Variants in GRIK3 observed in about 807,000 individuals in gnomAD.
GRIK3 encodes the protein glutamate receptor ionotropic, kainate 3.
Under a neutral mutation model 102.5 loss-of-function variants are expected in GRIK3, and 29 were observed. The ratio of observed to expected loss-of-function variants is 0.28; its 90% CI spans 0.21 to 0.39. The LOEUF is 0.39. GRIK3 is among the 10% of genes least tolerant of loss of function. The probability of loss-of-function intolerance (pLI) is 1.00; values close to 1 mark genes in which losing one functional copy is unlikely to be tolerated. For missense variants in GRIK3, 908 were observed against 1,252.4 expected (o/e 0.73, Z 4.15); for synonymous variants, 511 against 504.9 (o/e 1.01, Z -0.16).
chr1:36,979,596 C>T (rs1454430374), intron 1 of GRIK3, among the ~76,000 whole-genome samples: 1 of 152,216 alleles, frequency 6.6e-6, no homozygotes, highest in African/African-American at 2.4e-5. Context: ...GGGAGAGGAA[C>T]TTGACTCAAA....
chr1:36,824,547 G>C (rs1570745251), intron 11 of GRIK3, among the ~76,000 whole-genome samples: 1 of 152,196 alleles, frequency 6.6e-6, no homozygotes, highest in East Asian at 1.9e-4. Context: ...AGTGAAGTGG[G>C]GGGAGGGCGG....
intron 1 of GRIK3, among the ~76,000 whole-genome samples, chr1:37,004,808 G>A (rs1399333979): frequency 6.6e-6 from 1 of 152,206 alleles, no homozygotes; most frequent in African/African-American, 2.4e-5. Context: ...CCTGTTATGT[G>A]TAACTTGACT....
At chr1:36,898,172 G>A (rs1383025309) in intron 1 of GRIK3, among the ~76,000 whole-genome samples, 1 of 151,914 alleles carries the variant, frequency 6.6e-6, no homozygotes, top group Non-Finnish European at 1.5e-5. Flanking sequence ...TGCTTAATAG[G>A]TACAAAATAG....
chr1:36,813,021 G>A (rs1161713338), intron 13 of GRIK3, among the ~76,000 whole-genome samples: 2 of 152,214 alleles, frequency 1.3e-5, no homozygotes, highest in Non-Finnish European at 2.9e-5. Context: ...GGCTGGGTAT[G>A]TGGTCAACTG....
intron 1 of GRIK3, among the ~76,000 whole-genome samples, chr1:36,943,906 CTG>C (rs1025464661): frequency 1.3e-5 from 2 of 152,258 alleles, no homozygotes; most frequent in African/African-American, 4.8e-5. Context: ...TGGCCTCACA[CTG>C]TTTTTCCTGG....
chr1:36,941,878 G>A (rs1004814956), intron 1 of GRIK3, among the ~76,000 whole-genome samples: 2 of 152,190 alleles, frequency 1.3e-5, no homozygotes, highest in African/African-American at 4.8e-5. Context: ...TCCAAGGAAA[G>A]CGAGTTCAAG....
chr1:36,998,614 A>T lies in GRIK3; in HGVS notation c.115+35380T>A, dbSNP rs145368160. On this transcript the variant is annotated intron_variant, in intron 1 of 15. Coordinates refer to ENST00000373091, the MANE Select transcript of GRIK3 (RefSeq NM_000831.4). ...ATGTGCCAAGCACTGTGTTCAGCAC[A>T]TCATCTCACCTGAGCCTCCCGATGG... 8.5e-3 allele frequency among the ~76,000 whole-genome samples: 1,294 copies of T among 152,328 alleles called. 10 individuals carry two copies. The highest frequency in any genetic ancestry group is 0.017 in the Admixed American group (267 of 15,306).
At position 36,804,652 on chromosome 1, in the gene GRIK3, G is replaced by C. The variant is rs757156527; in HGVS notation, c.2565+335C>G. The C allele has an allele frequency of 1.8e-5, 8 of 455,242 alleles. 1 individual carries two copies. Among genetic ancestry groups the C allele is most frequent in the Admixed American group, 3.9e-5 (1 of 25,704 alleles). The allele number at this position is 455,242 out of a possible 1,614,324, so 28.2% of individuals were successfully genotyped here. On this transcript the variant is annotated intron_variant, in intron 15 of 15. Coordinates refer to ENST00000373091, the MANE Select transcript of GRIK3 (RefSeq NM_000831.4). ...CCTGGAGGGTTTTATGCAGGAAAAT[G>C]ATATGGTTTGAATTAAGTTTTAAAC... is the stretch of plus-strand genomic sequence containing the variant.
At chr1:37,005,544 C>T (rs547099687) in intron 1 of GRIK3, among the ~76,000 whole-genome samples, 9 of 152,262 alleles carry the variant, frequency 5.9e-5, no homozygotes, top group African/African-American at 2.2e-4. Context: ...CAGGAGGGAT[C>T]GCCAGGGGCT....
rs945024544 is a variant in GRIK3, at chr1:36,872,962, C to T, written c.551-593G>A. Among the ~76,000 whole-genome samples, 4 of 152,212 alleles carry T rather than the reference C, an allele frequency of 2.6e-5. No individual in the cohort carries two copies. The highest frequency in any genetic ancestry group is 6.5e-5 in the Admixed American group (1 of 15,282). On this transcript the variant is annotated intron_variant, in intron 3 of 15. Transcript: ENST00000373091. This position sits in a 1 kb window ranked among gnomAD's most constrained non-coding sequence, Gnocchi z 5.9. The stretch of plus-strand genomic sequence containing the variant: ...CAGGAGGTATTTGTGTCTCCGCCCT[C>T]GTCCTCACTAAGGGCAGTCTGCCTT...
intron 13 of GRIK3, 79 bp downstream of exon 13, chr1:36,816,981 C>A (rs1216279624): frequency 8.3e-6 from 8 of 962,364 alleles, no homozygotes; most frequent in Non-Finnish European, 1.3e-5. Context: ...AGGACAGAGA[C>A]CCCCTTTCCT....
At chr1:36,982,913 G>T (rs1268376380) in intron 1 of GRIK3, among the ~76,000 whole-genome samples, 2 of 152,160 alleles carry the variant, frequency 1.3e-5, no homozygotes, top group Non-Finnish European at 2.9e-5. Flanking sequence ...TCAGAGGGCC[G>T]CTGACAGCTC....
rs139840293 is a variant in GRIK3, at chr1:36,897,710, A to G, written c.116-6614T>C. Among the ~76,000 whole-genome samples the G allele has an allele frequency of 6.6e-3, 1,004 of 152,318 alleles. 9 individuals carry two copies. The highest frequency in any genetic ancestry group is 0.023 in the African/African-American group (970 of 41,556). ...TGTTGGTGGGAATGTGAATTAGGAC[A>G]ACCACCTTGGAGAACAGTTTGGAGG... On this transcript the variant is annotated intron_variant, in intron 1 of 15. Coordinates refer to ENST00000373091, the MANE Select transcript of GRIK3 (RefSeq NM_000831.4).
At chr1:36,909,964 G>T (rs1358792079) in intron 1 of GRIK3, among the ~76,000 whole-genome samples, 1 of 152,192 alleles carries the variant, frequency 6.6e-6, no homozygotes, top group Non-Finnish European at 1.5e-5. Context: ...AGGATGCTAT[G>T]ATGGCCTGTG....
At chr1:36,957,787 C>G (rs1243963821) in intron 1 of GRIK3, among the ~76,000 whole-genome samples, 1 of 148,216 alleles carries the variant, frequency 6.7e-6, no homozygotes, top group African/African-American at 2.5e-5. Flanking sequence ...AGTCTGTGCC[C>G]CGTGACTCTG....
At chr1:37,022,766 C>A (rs1019568119) in intron 1 of GRIK3, among the ~76,000 whole-genome samples, 2 of 152,234 alleles carry the variant, frequency 1.3e-5, no homozygotes, top group Non-Finnish European at 2.9e-5. Context: ...CCATTGCATT[C>A]ATTTATTCAA....
intron 10 of GRIK3, among the ~76,000 whole-genome samples, chr1:36,838,628 G>A (rs1011209278): frequency 5.9e-5 from 9 of 152,124 alleles, no homozygotes; most frequent in African/African-American, 1.9e-4. Flanking sequence ...TCTGGGAAGG[G>A]CTTTTTAAGT....
intron 1 of GRIK3, among the ~76,000 whole-genome samples, chr1:36,927,383 A>G (rs1246738587): frequency 6.6e-6 from 1 of 152,244 alleles, no homozygotes; most frequent in Non-Finnish European, 1.5e-5. Flanking sequence ...GTTCACCACG[A>G]GCCCTAAATA....
intron 11 of GRIK3, among the ~76,000 whole-genome samples, chr1:36,825,177 G>A (rs1425059606): frequency 6.6e-6 from 1 of 152,186 alleles, no homozygotes; most frequent in East Asian, 1.9e-4. Context: ...ACTGGGCACT[G>A]TTCCCCCTGC....
Sources: gnomAD v4.1 joint callset for allele counts (sites outside exome capture counted in the v4.1 genomes callset) on GRCh38, gnomAD v4.1.1 for gene constraint, Gnocchi (gnomAD v3.1) non-coding constraint, MANE v1.5 for transcripts, NCBI Gene and HGNC (gene_info 2026-07-23, HGNC 2026-07-21) for gene names.